Variants in CACNA2D1 observed in about 807,000 individuals in gnomAD.
CACNA2D1 encodes the protein voltage-dependent calcium channel subunit alpha-2/delta-1.
CACNA2D1 carries 53 observed loss-of-function variants against 171.5 expected under a neutral mutation model. The observed-to-expected ratio is 0.31, with a 90% CI of 0.25 to 0.39. The LOEUF (loss-of-function observed/expected upper bound fraction) is 0.39, where lower values mean the gene tolerates loss of function less well. Among genes scored for constraint, CACNA2D1 ranks in the 10% least tolerant of loss-of-function variants. The probability of loss-of-function intolerance (pLI) is 1.00; values close to 1 mark genes in which losing one functional copy is unlikely to be tolerated. For synonymous variants in CACNA2D1, 442 were observed against 443.1 expected, an observed-to-expected ratio of 1.00 and a Z score of 0.03; for missense variants, 903 against 1,299.8, an observed-to-expected ratio of 0.69 and a Z score of 4.69.
rs767475523 is a variant in CACNA2D1 at position 81,971,841 on chromosome 7, C to T, written c.2077G>A (p.Val693Ile). 4 of 1,607,394 alleles carry T rather than the reference C, an allele frequency of 2.5e-6. No individual in the cohort carries two copies. The highest frequency in any genetic ancestry group is 1.1e-5 in the South Asian group (1 of 90,790). The change falls in exon 26 of 39, where the codon GTC becomes ATC. Residue 693 changes from valine (V) to isoleucine (I), a missense_variant. Val to Ile is a conservative substitution (Grantham distance 29, BLOSUM62 3). Coordinates refer to ENST00000356860, the MANE Select transcript of CACNA2D1 (RefSeq NM_000722.4). ...TTTGTAAAGCCTGCATCAAGCAAGA[C>T]TCTATTAATCAAATCCGCGTTACCT... is the stretch of plus-strand genomic sequence containing the variant. ...PSCNADLINRVLLDAGFTNEL... is the reference protein window; with the variant it reads ...PSCNADLINRILLDAGFTNEL...
At chr7:82,014,337 C>G in intron 13 of CACNA2D1, 64 bp downstream of exon 13, 1 of 833,800 alleles carries the variant, frequency 1.2e-6, no homozygotes, top group South Asian at 1.4e-5. Flanking sequence ...TAAATAAGTA[C>G]ACCTAATAAC....
At chr7:82,030,528 T>G (rs1802554671) in intron 12 of CACNA2D1, among the ~76,000 whole-genome samples, 1 of 151,774 alleles carries the variant, frequency 6.6e-6, no homozygotes, top group South Asian at 2.1e-4. Context: ...ATCGGATATA[T>G]CTCATGCACA....
intron 3 of CACNA2D1, among the ~76,000 whole-genome samples, chr7:82,232,967 A>G (rs995034674): frequency 6.6e-6 from 1 of 151,986 alleles, no homozygotes; most frequent in Non-Finnish European, 1.5e-5. Context: ...CTAAATACAT[A>G]AAAAATTAAT....
chr7:82,071,597 G>C (rs1187977208), intron 7 of CACNA2D1, among the ~76,000 whole-genome samples: 2 of 152,104 alleles, frequency 1.3e-5, no homozygotes, highest in Admixed American at 6.6e-5. Flanking sequence ...TTGAGACTTT[G>C]AATCATCTAT....
intron 4 of CACNA2D1, among the ~76,000 whole-genome samples, chr7:82,158,091 C>T (rs944916119): frequency 6.6e-6 from 1 of 151,810 alleles, no homozygotes; most frequent in African/African-American, 2.4e-5. Context: ...GTAAACATAT[C>T]TATTTTGATA....
chr7:82,002,728 A>G (rs1798733407), intron 18 of CACNA2D1, among the ~76,000 whole-genome samples: 1 of 152,206 alleles, frequency 6.6e-6, no homozygotes. Context: ...GGAATAAAGC[A>G]GAATACATAA....
intron 3 of CACNA2D1, among the ~76,000 whole-genome samples, chr7:82,203,623 G>A (rs1489397777): frequency 6.6e-6 from 1 of 152,128 alleles, no homozygotes; most frequent in Non-Finnish European, 1.5e-5. Flanking sequence ...GTTGATCCAG[G>A]GCACCTATTT....
At chr7:82,425,576 C>T (rs1188883676) in intron 1 of CACNA2D1, among the ~76,000 whole-genome samples, 31 of 146,640 alleles carry the variant, frequency 2.1e-4, no homozygotes. Flanking sequence ...GAGTCTTGCT[C>T]TGTTGCCGAG....
intron 3 of CACNA2D1, among the ~76,000 whole-genome samples, chr7:82,276,350 A>C (rs1019863156): frequency 6.6e-6 from 1 of 152,218 alleles, no homozygotes; most frequent in Admixed American, 6.5e-5. Flanking sequence ...AGTTTCATTT[A>C]GCCAATCAGA....
chr7:81,954,497 A>C (rs1305702288), intron 38 of CACNA2D1, among the ~76,000 whole-genome samples: 1 of 152,052 alleles, frequency 6.6e-6, no homozygotes, highest in African/African-American at 2.4e-5. Flanking sequence ...TTCATACAGC[A>C]TGCGTTACCA....
chr7:82,020,905 T>A (rs554909202), intron 12 of CACNA2D1: 13 of 152,224 alleles, frequency 8.5e-5, no homozygotes, highest in Non-Finnish European at 1.8e-4. Context: ...AAAAACTGTT[T>A]TATAAACGGC....
At chr7:82,409,475 T>C (rs1202696283) in intron 1 of CACNA2D1, among the ~76,000 whole-genome samples, 3 of 152,152 alleles carry the variant, frequency 2.0e-5, no homozygotes, top group Non-Finnish European at 4.4e-5. Context: ...AAGCAGAAAC[T>C]AGTTACTGTT....
intron 38 of CACNA2D1, among the ~76,000 whole-genome samples, chr7:81,958,841 A>T (rs1283082442): frequency 6.6e-6 from 1 of 152,040 alleles, no homozygotes; most frequent in African/African-American, 2.4e-5. Flanking sequence ...TGGCTGTATA[A>T]CAGGTTTTTC....
chr7:82,048,640 CATA>C (rs1483186521), intron 10 of CACNA2D1, among the ~76,000 whole-genome samples: 1 of 151,952 alleles, frequency 6.6e-6, no homozygotes, highest in Non-Finnish European at 1.5e-5. Context: ...AATAAGTTCT[CATA>C]GTGTCAATTT....
chr7:82,424,602 T>C (rs1477733705), intron 1 of CACNA2D1, among the ~76,000 whole-genome samples: 1 of 152,228 alleles, frequency 6.6e-6, no homozygotes, highest in Non-Finnish European at 1.5e-5. Flanking sequence ...CCTTTACATT[T>C]CAAAAGAATT....
At chr7:81,988,900 T>C (rs1797244813) in intron 21 of CACNA2D1, among the ~76,000 whole-genome samples, 1 of 152,204 alleles carries the variant, frequency 6.6e-6, no homozygotes, top group African/African-American at 2.4e-5. Context: ...AGTTTCTCTA[T>C]ATATGTTTCG....
intron 1 of CACNA2D1, among the ~76,000 whole-genome samples, chr7:82,380,790 G>A (rs912782086): frequency 5.3e-5 from 8 of 151,902 alleles, no homozygotes; most frequent in African/African-American, 1.7e-4. Flanking sequence ...CGCCTGCCAG[G>A]TTCAAGCGAT....
chr7:82,306,273 A>T (rs1028689274), intron 3 of CACNA2D1, among the ~76,000 whole-genome samples: 4 of 152,176 alleles, frequency 2.6e-5, no homozygotes, highest in Admixed American at 1.3e-4. Context: ...GCGTGAAAGA[A>T]GTGAGAACCC....
chr7:82,370,968 A>T (rs1461857641), intron 1 of CACNA2D1, among the ~76,000 whole-genome samples: 1 of 152,224 alleles, frequency 6.6e-6, no homozygotes. Context: ...ATATGTAAAA[A>T]AATAAATATC....
Sources: allele counts gnomAD v4.1 joint callset (sites outside exome capture counted in the v4.1 genomes callset), GRCh38; gene constraint gnomAD v4.1.1; transcripts MANE v1.5; gene names NCBI Gene and HGNC (gene_info 2026-07-23, HGNC 2026-07-21).